Variants in WWOX observed in about 807,000 individuals in gnomAD.
WWOX encodes WW domain-containing oxidoreductase.
In WWOX, 69 loss-of-function variants were observed where a neutral mutation model predicts 46.2. The ratio of observed to expected loss-of-function variants is 1.49; its 90% CI spans 1.23 to 1.82. WWOX has a LOEUF of 1.82. Among genes scored for constraint, WWOX ranks in the 40% most tolerant of loss-of-function variants. WWOX has a pLI of 0.00. For missense variants in WWOX, 919 were observed against 542.6 expected (o/e 1.69, Z -6.89); for synonymous variants, 359 against 202.6 (o/e 1.77, Z -6.56).
chr16:78,731,284 C>T (rs1012319155), intron 8 of WWOX, among the ~76,000 whole-genome samples: 2 of 152,074 alleles, frequency 1.3e-5, no homozygotes, highest in Non-Finnish European at 2.9e-5. Flanking sequence ...GAATTTAGAG[C>T]ACAGAGGCAC....
At chr16:78,532,761 A>T (rs2151514927) in intron 8 of WWOX, among the ~76,000 whole-genome samples, 1 of 151,848 alleles carries the variant, frequency 6.6e-6, no homozygotes, top group East Asian at 1.9e-4. Flanking sequence ...ATTCCTTGAG[A>T]CTTATTTGCT....
intron 8 of WWOX, among the ~76,000 whole-genome samples, chr16:79,034,092 C>A (rs995088906): frequency 6.6e-6 from 1 of 152,126 alleles, no homozygotes; most frequent in Non-Finnish European, 1.5e-5. Context: ...TGGTAATGGG[C>A]CAGGGAACTG....
At chr16:78,686,417 A>G (rs574173298) in intron 8 of WWOX, among the ~76,000 whole-genome samples, 2 of 152,050 alleles carry the variant, frequency 1.3e-5, no homozygotes, top group African/African-American at 4.8e-5. Flanking sequence ...AGGCCGAGGC[A>G]GGAGAATGGT....
chr16:78,432,357 A>G (rs944508510), intron 7 of WWOX, 131 bp from the exon 8 acceptor site: 10 of 1,251,382 alleles, frequency 8.0e-6, no homozygotes, highest in Non-Finnish European at 1.0e-5. Flanking sequence ...CCACTCGTCT[A>G]AGACTCCCAA....
chr16:78,616,973 C>T (rs2046040969), intron 8 of WWOX, among the ~76,000 whole-genome samples: 1 of 152,188 alleles, frequency 6.6e-6, no homozygotes, highest in South Asian at 2.1e-4. Context: ...AGACACATGT[C>T]AGATAGTAGA....
intron 8 of WWOX, among the ~76,000 whole-genome samples, chr16:78,734,781 G>C (rs1597513242): frequency 7.3e-6 from 1 of 137,738 alleles, no homozygotes; most frequent in Non-Finnish European, 1.5e-5. Flanking sequence ...AGAGCAAATA[G>C]ACTGACCCTA....
intron 6 of WWOX, among the ~76,000 whole-genome samples, chr16:78,392,610 G>T (rs2082199845): frequency 6.6e-6 from 1 of 152,060 alleles, no homozygotes; most frequent in African/African-American, 2.4e-5. Context: ...AGAGATTTCT[G>T]CAGTCTGTAC....
At chr16:78,152,144 C>T (rs533888047) in intron 4 of WWOX, among the ~76,000 whole-genome samples, 3 of 151,230 alleles carry the variant, frequency 2.0e-5, no homozygotes, top group Non-Finnish European at 4.4e-5. Context: ...GAGCCGAGAT[C>T]GCGCCACTGC....
chr16:78,876,262 C>T (rs996300728), intron 8 of WWOX, among the ~76,000 whole-genome samples: 1 of 150,656 alleles, frequency 6.6e-6, no homozygotes, highest in Non-Finnish European at 1.5e-5. Context: ...TCTAAAACTT[C>T]TTATTTTAAT....
rs140670472 is a variant in WWOX, at chr16:78,365,562, G to C, written c.517-21298G>C. On this transcript the variant is annotated intron_variant, in intron 5 of 8. Coordinates refer to ENST00000566780, the MANE Select transcript of WWOX (RefSeq NM_016373.4). ...GGTCCATATGTGCTGTCCCCAGTAGGATTCTGGAATTCCCTGAATCATAGT... is the reference window on the plus strand; with the variant it reads ...GGTCCATATGTGCTGTCCCCAGTAGCATTCTGGAATTCCCTGAATCATAGT... Among the ~76,000 whole-genome samples the C allele has an allele frequency of 2.0e-3, 304 of 152,268 alleles. 1 individual carries two copies. The highest frequency in any genetic ancestry group is 7.1e-3 in the African/African-American group (297 of 41,550).
chr16:79,096,020 T>TTTGG (rs1204233364), intron 8 of WWOX, among the ~76,000 whole-genome samples: 1 of 142,906 alleles, frequency 7.0e-6, no homozygotes, highest in African/African-American at 2.6e-5. Context: ...CGGATAATTT[T>TTTGG]TTTTTTTTTT....
chr16:79,123,243 C>G (rs1398146215), intron 8 of WWOX, among the ~76,000 whole-genome samples: 2 of 152,164 alleles, frequency 1.3e-5, no homozygotes, highest in Non-Finnish European at 2.9e-5. Context: ...TTGCCTGACT[C>G]TGTCCTCGGT....
At chr16:78,290,175 G>A (rs758781602) in intron 5 of WWOX, among the ~76,000 whole-genome samples, 1 of 152,032 alleles carries the variant, frequency 6.6e-6, no homozygotes, top group Non-Finnish European at 1.5e-5. Context: ...AGTGTAATCC[G>A]AGGCCTTGGA....
chr16:78,840,519 G>T (rs145041826), intron 8 of WWOX, among the ~76,000 whole-genome samples: 1 of 152,196 alleles, frequency 6.6e-6, no homozygotes, highest in Non-Finnish European at 1.5e-5. Context: ...TACAGAGCCA[G>T]TGGTTTATTT....
chr16:78,552,278 A>G (rs919419389), intron 8 of WWOX: 9 of 152,202 alleles, frequency 5.9e-5, no homozygotes, highest in African/African-American at 2.2e-4. Context: ...TCTGATTTAC[A>G]CAAAGCCATC....
At chr16:78,519,162 T>C (rs1181164730) in intron 8 of WWOX, among the ~76,000 whole-genome samples, 3 of 152,200 alleles carry the variant, frequency 2.0e-5, no homozygotes, top group Admixed American at 6.5e-5. Flanking sequence ...GCCCCCGGCC[T>C]CAGGGATCTC....
chr16:78,632,521 T>C (rs1424758856), intron 8 of WWOX, among the ~76,000 whole-genome samples: 2 of 148,178 alleles, frequency 1.3e-5, no homozygotes, highest in Non-Finnish European at 3.0e-5. Flanking sequence ...GTCCTCCTCA[T>C]ACCACAGACA....
At chr16:78,266,824 C>CTCTCTCTCTCTCTCTCAG (rs2079375027) in intron 5 of WWOX, among the ~76,000 whole-genome samples, 1 of 146,588 alleles carries the variant, frequency 6.8e-6, no homozygotes, top group Non-Finnish European at 1.5e-5. Flanking sequence ...CTCTCTCTCT[C>CTCTCTCTCTCTCTCTCAG]TGTCTCCCTC....
chr16:79,027,514 C>G (rs1323353703), intron 8 of WWOX, among the ~76,000 whole-genome samples: 1 of 151,814 alleles, frequency 6.6e-6, no homozygotes, highest in African/African-American at 2.4e-5. Context: ...TGCCTGCCAT[C>G]ATTTTGGAAT....
Sources: allele counts gnomAD v4.1 joint callset (sites outside exome capture counted in the v4.1 genomes callset), GRCh38; gene constraint gnomAD v4.1.1; transcripts MANE v1.5; gene names NCBI Gene and HGNC (gene_info 2026-07-23, HGNC 2026-07-21).